DNAH8: variants seen among roughly 807,000 people sequenced by gnomAD.
The protein encoded by DNAH8 is dynein axonemal heavy chain 8.
Under a neutral mutation model 562.1 loss-of-function variants are expected in DNAH8, and 382 were observed. The observed-to-expected ratio is 0.68, with a 90% CI of 0.63 to 0.74. The LOEUF (loss-of-function observed/expected upper bound fraction) is 0.74. Among genes scored for constraint, DNAH8 ranks in the 30% least tolerant of loss-of-function variants. DNAH8 has a pLI of 0.00. For synonymous variants in DNAH8, 1,881 were observed against 1,919.4 expected (o/e 0.98, Z 0.52); for missense variants, 5,203 against 5,620.4 (o/e 0.93, Z 2.37).
rs557168268 is a variant in DNAH8, at chr6:38,973,623, G to T, written c.12526-38G>T. 7.3e-6 allele frequency: 11 copies of T among 1,504,660 alleles called. No individual in the cohort carries two copies. The East Asian group carries it at 1.4e-4, about 19-fold the overall frequency. 93.2% of individuals were successfully genotyped at this position (1,504,660 alleles called of 1,614,324 possible). ...GTTTTATTAAAATCATAGCAAAAAG[G>T]TTACAAGAAATAAATATGAACTTAT... is the stretch of plus-strand genomic sequence containing the variant. On this transcript the variant is annotated intron_variant, in intron 83 of 92. Coordinates refer to ENST00000327475, the MANE Select transcript of DNAH8 (RefSeq NM_001206927.2).
At position 38,909,586 on chromosome 6, in the gene DNAH8, G is replaced by A. The variant is rs1314182810; in HGVS notation, c.9582G>A (p.Trp3194Ter). Reference sequence around the variant, plus strand: ...TGATATCAGGTTGCACTATGGACTGGTTCAGCCGCTGGCCAAGGGAGGCTC... The same window carrying A: ...TGATATCAGGTTGCACTATGGACTGATTCAGCCGCTGGCCAAGGGAGGCTC... ...PGLISGCTMDWFSRWPREALI... is the reference protein window; with the variant it reads ...PGLISGCTMD The change falls in exon 65 of 93, where the codon TGG (tryptophan) becomes TGA (stop). Residue 3194 changes from tryptophan (W) to a stop codon, truncating the protein, a stop_gained. Transcript: ENST00000327475. LOFTEE classifies it high-confidence loss of function. 10 of 1,614,170 alleles carry A rather than the reference G, an allele frequency of 6.2e-6. No individual in the cohort carries two copies. Among genetic ancestry groups the A allele is most frequent in the Non-Finnish European group, 8.5e-6 (10 of 1,180,016 alleles).
At chr6:38,908,247 TTTTGTACCACAC>T in intron 64 of DNAH8, 127 bp downstream of exon 64, 1 of 532,310 alleles carries the variant, frequency 1.9e-6, no homozygotes, top group Non-Finnish European at 3.1e-6. Context: ...AAATTAACAC[TTTTGTACCACAC>T]AATCTCCATT....
At chr6:38,974,323 T>A in intron 84 of DNAH8, 51 bp from the exon 85 acceptor site, 1 of 1,374,376 alleles carries the variant, frequency 7.3e-7, no homozygotes, top group Non-Finnish European at 1.0e-6. Flanking sequence ...TTCTATTTTA[T>A]TCTTTATAGT....
chr6:38,946,476 A>G (rs1184201154), intron 80 of DNAH8, among the ~76,000 whole-genome samples: 1 of 152,246 alleles, frequency 6.6e-6, no homozygotes, highest in African/African-American at 2.4e-5. Flanking sequence ...TAGTACAACC[A>G]CAGATGAGTC....
At position 38,914,513 on chromosome 6, in the gene DNAH8, GC is replaced by G. The variant is rs1174929791; in HGVS notation, c.9963+563del. Among the ~76,000 whole-genome samples, 6 of 145,374 alleles carry G rather than the reference GC, an allele frequency of 4.1e-5. No individual in the cohort carries two copies. The East Asian group carries it at 1.3e-3, about 30-fold the overall frequency. ...CCTCCTGGGTTCAAGCGATTCTCCTGCCTAATTTTTGTATTTTTAGTAGAGA... is the reference window on the plus strand; with the variant it reads ...CCTCCTGGGTTCAAGCGATTCTCCTGCTAATTTTTGTATTTTTAGTAGAGA... On this transcript the variant is annotated intron_variant, in intron 67 of 92. Transcript: ENST00000327475.
intron 3 of DNAH8, among the ~76,000 whole-genome samples, chr6:38,728,456 T>C (rs1763403240): frequency 2.8e-5 from 3 of 108,190 alleles, no homozygotes; most frequent in Admixed American, 2.6e-4. Context: ...ACAATGTATC[T>C]AAAATGCAAG....
At chr6:38,878,114 A>G (rs1778167639) in intron 53 of DNAH8, among the ~76,000 whole-genome samples, 1 of 152,236 alleles carries the variant, frequency 6.6e-6, no homozygotes, top group Non-Finnish European at 1.5e-5. Flanking sequence ...ACAGAAACAG[A>G]AAGACAAATC....
Position 38,982,328 on chromosome 6 carries a change from T to A in DNAH8, c.12835-18T>A. 8.7e-7 allele frequency: 1 copy of A among 1,154,890 alleles called. No individual in the cohort carries two copies. The highest frequency in any genetic ancestry group is 1.3e-6 in the Non-Finnish European group (1 of 763,232). 71.5% of individuals were successfully genotyped at this position (1,154,890 alleles called of 1,614,324 possible). A position where few individuals can be genotyped will look rare whatever the true frequency, so the allele number is the denominator to read the frequency against. On this transcript the variant is annotated intron_variant, in intron 85 of 92. Coordinates refer to ENST00000327475, the MANE Select transcript of DNAH8 (RefSeq NM_001206927.2). ...AATCAGGTACATGCAATACTTACTT[T>A]TCTTTGGTGTTTTTAAGGAGCGACG...
chr6:39,011,344 C>G (rs1766195557), intron 89 of DNAH8, among the ~76,000 whole-genome samples: 2 of 152,186 alleles, frequency 1.3e-5, no homozygotes, highest in Admixed American at 6.5e-5. Context: ...AGTTCCTGGC[C>G]TCCTGTGATC....
intron 11 of DNAH8, among the ~76,000 whole-genome samples, chr6:38,765,993 C>G (rs964543009): frequency 4.6e-5 from 7 of 152,082 alleles, no homozygotes; most frequent in Admixed American, 4.6e-4. Context: ...ATATAACTGT[C>G]TCAAAGAGAT....
chr6:38,921,394 G>T lies in DNAH8; in HGVS notation c.10550G>T (p.Arg3517Leu), dbSNP rs779240075. Residue 3517 changes from arginine (R) to leucine (L), a missense_variant, in exon 71 of 93, where the codon CGG becomes CTG. By Grantham distance (102) the Arg-to-Leu change is moderately radical (BLOSUM62 -2). Coordinates refer to ENST00000327475, the MANE Select transcript of DNAH8 (RefSeq NM_001206927.2). ...GCCAACCTGGCCAAGCAGGAAGGCC[G>T]GTTAGCAGTTGCTAATGCTGAGTTA... ...LKANLAKQEG[R>L]LAVANAELGK... 1 of 1,613,522 alleles carries T rather than the reference G, an allele frequency of 6.2e-7. No homozygotes were observed. The highest frequency in any genetic ancestry group is 1.3e-5 in the African/African-American group (1 of 74,920).
At chr6:38,798,430 G>A (rs1431160832) in intron 21 of DNAH8, among the ~76,000 whole-genome samples, 4 of 152,214 alleles carry the variant, frequency 2.6e-5, no homozygotes, top group African/African-American at 9.6e-5. Flanking sequence ...AGTCCTCAAG[G>A]AGTAGCGAGT....
At chr6:38,798,877 C>G (rs1248711588) in intron 21 of DNAH8, among the ~76,000 whole-genome samples, 2 of 152,060 alleles carry the variant, frequency 1.3e-5, no homozygotes, top group African/African-American at 4.8e-5. Flanking sequence ...CTGAAGGGAC[C>G]AGGGAAGAAA....
chr6:38,875,524 T>C (rs1236740193), intron 52 of DNAH8, 67 bp from the exon 53 acceptor site: 63 of 939,840 alleles, frequency 6.7e-5, no homozygotes, highest in Non-Finnish European at 8.9e-5. Flanking sequence ...TTAATTTTAC[T>C]ATTATTTACA....
At chr6:39,017,254 G>T (rs1186218748) in intron 91 of DNAH8, among the ~76,000 whole-genome samples, 1 of 151,654 alleles carries the variant, frequency 6.6e-6, no homozygotes, top group Non-Finnish European at 1.5e-5. Context: ...GGATGGCCCT[G>T]GTCTGTTTTT....
In DNAH8 at chr6:38,857,633, T is replaced by C. The variant is rs762805894; in HGVS notation, c.5849T>C (p.Leu1950Pro). The change falls in exon 42 of 93, where the codon CTA (leucine) becomes CCA (proline). Residue 1950 changes from leucine to proline, a missense_variant. Around this residue, in one of 6 missense-constraint regions of DNAH8, gnomAD observed 2,176 missense variants for 2,365.1 expected, o/e 0.92. Transcript: ENST00000327475. ...ACCAATCAGAAATTTTTGGATATTC[T>C]AAATACTCTCATTAGTCAGACAACA... ...QVTNQKFLDI[L>P]NTLISQTTHD... The C allele has an allele frequency of 3.1e-6, 5 of 1,613,788 alleles. No homozygotes were observed. Among genetic ancestry groups the C allele is most frequent in the Non-Finnish European group, 4.2e-6 (5 of 1,179,726 alleles).
intron 59 of DNAH8, among the ~76,000 whole-genome samples, chr6:38,895,601 G>A (rs1330881035): frequency 7.2e-5 from 11 of 152,132 alleles, no homozygotes; most frequent in Admixed American, 6.5e-4. Context: ...AGATGATAAT[G>A]CCAGTTTCAC....
intron 32 of DNAH8, 80 bp downstream of exon 32, chr6:38,834,721 T>TC: frequency 8.7e-7 from 1 of 1,142,942 alleles, no homozygotes; most frequent in Non-Finnish European, 1.3e-6. Context: ...GTTTTACTTT[T>TC]TAATAGAAAA....
intron 30 of DNAH8, among the ~76,000 whole-genome samples, chr6:38,829,933 C>T (rs1773687878): frequency 6.6e-6 from 1 of 152,168 alleles, no homozygotes; most frequent in Admixed American, 6.5e-5. Context: ...TCTAGGTTGC[C>T]TGTTCACTCT....
Sources: allele counts gnomAD v4.1 joint callset (sites outside exome capture counted in the v4.1 genomes callset), GRCh38; gene constraint gnomAD v4.1.1; regional missense constraint gnomAD v4.1.1; transcripts MANE v1.5; gene names NCBI Gene and HGNC (gene_info 2026-07-23, HGNC 2026-07-21).